Variants in TTC6 observed in about 807,000 individuals in gnomAD.
TTC6 encodes the protein tetratricopeptide repeat protein 6.
A neutral mutation model predicts 210.4 loss-of-function variants in TTC6; 172 were observed. The observed-to-expected ratio is 0.82, with a 90% CI of 0.72 to 0.93. TTC6 has a LOEUF of 0.93. Ranked by LOEUF, TTC6 falls within the 40% of genes least tolerant of loss-of-function variation. TTC6 has a pLI of 0.00. For synonymous variants in TTC6, 804 were observed against 819.6 expected (o/e 0.98, Z 0.32); for missense variants, 2,414 against 2,318.1 (o/e 1.04, Z -0.85).
intron 5 of TTC6, among the ~76,000 whole-genome samples, chr14:37,703,453 A>G (rs1287583515): frequency 2.6e-5 from 4 of 152,156 alleles, no homozygotes; most frequent in African/African-American, 9.6e-5. Flanking sequence ...TTTTCAAAAT[A>G]TATCTGTCTG....
At chr14:37,821,927 C>T (rs558158901) in intron 26 of TTC6, among the ~76,000 whole-genome samples, 4 of 151,824 alleles carry the variant, frequency 2.6e-5, no homozygotes, top group Admixed American at 2.6e-4. Flanking sequence ...ACTACAGGGG[C>T]CTGCCACCAC....
rs927770928 is a variant in TTC6, at chr14:37,673,258, C to T, written c.940-6893C>T. ...GTAAGGAGGATTCCACAGGCCAGTG[C>T]CATCAGGGTTTTGCCTGCAGGAAGC... On this transcript the variant is annotated intron_variant, in intron 1 of 30. Transcript: ENST00000553443. Among the ~76,000 whole-genome samples, 6 of 152,148 alleles carry T rather than the reference C, an allele frequency of 3.9e-5. No individual in the cohort carries two copies. In the East Asian group the frequency reaches 7.8e-4, roughly 20 times the overall value.
chr14:37,659,796 C>T (rs763173389), intron 1 of TTC6, among the ~76,000 whole-genome samples: 6 of 152,160 alleles, frequency 3.9e-5, no homozygotes, highest in Non-Finnish European at 7.3e-5. Context: ...GTTGGGATTA[C>T]GGATGTGACC....
At chr14:37,783,202 G>T (rs755744783) in intron 14 of TTC6, among the ~76,000 whole-genome samples, 1 of 152,058 alleles carries the variant, frequency 6.6e-6, no homozygotes, top group Non-Finnish European at 1.5e-5. Flanking sequence ...TCAGAAGGAA[G>T]GGTACCAGCT....
At chr14:37,604,425 A>G (rs1225967491) in intron 1 of TTC6, among the ~76,000 whole-genome samples, 2 of 152,104 alleles carry the variant, frequency 1.3e-5, no homozygotes, top group African/African-American at 4.8e-5. Context: ...TCTGAACCAG[A>G]CTGGGGTAGC....
chr14:37,638,131 A>G (rs550972499), intron 1 of TTC6, among the ~76,000 whole-genome samples: 1 of 152,360 alleles, frequency 6.6e-6, no homozygotes, highest in African/African-American at 2.4e-5. Flanking sequence ...AGAAAAGGAA[A>G]TGAAGTATTG....
At chr14:37,622,822 G>T in exon 1 of TTC6, 1 of 1,533,956 alleles carries the variant, frequency 6.5e-7, no homozygotes, top group Admixed American at 2.0e-5. Context: ...GAACAGGAGA[G>T]CTGGCCGCCC....
intron 6 of TTC6, 108 bp downstream of exon 8, chr14:37,714,904 G>A (rs2095850034): frequency 1.9e-6 from 2 of 1,067,654 alleles, no homozygotes; most frequent in Non-Finnish European, 2.6e-6. Context: ...CTGGCCAGGT[G>A]TGGTAGCTCA....
chr14:37,627,668 G>A (rs1449090145), intron 1 of TTC6, among the ~76,000 whole-genome samples: 1 of 152,180 alleles, frequency 6.6e-6, no homozygotes, highest in Non-Finnish European at 1.5e-5. Flanking sequence ...ATTCAATGGT[G>A]TATATGTGCC....
At chr14:37,787,281 A>G (rs556068290) in intron 14 of TTC6, among the ~76,000 whole-genome samples, 187 bp from the exon 17 acceptor site, 1 of 152,362 alleles carries the variant, frequency 6.6e-6, no homozygotes, top group African/African-American at 2.4e-5. Context: ...TGTATACAAT[A>G]AAGTGTACTT....
chr14:37,755,791 C>T (rs1233984019), intron 14 of TTC6, among the ~76,000 whole-genome samples: 2 of 152,146 alleles, frequency 1.3e-5, no homozygotes, highest in Non-Finnish European at 2.9e-5. Flanking sequence ...TAGTGTGATG[C>T]TTCCAGCTTT....
intron 1 of TTC6, among the ~76,000 whole-genome samples, chr14:37,657,073 G>A (rs984320887): frequency 7.9e-5 from 12 of 151,808 alleles, no homozygotes; most frequent in Admixed American, 2.0e-4. Flanking sequence ...TTAGCCAGGC[G>A]TAGTGGCGCA....
intron 4 of TTC6, among the ~76,000 whole-genome samples, chr14:37,698,120 A>C (rs1479668754): frequency 6.6e-6 from 1 of 152,146 alleles, no homozygotes; most frequent in Non-Finnish European, 1.5e-5. Flanking sequence ...CAGAGGAATA[A>C]AAGTCTGATT....
chr14:37,750,845 G>A (rs1157439065), intron 12 of TTC6, among the ~76,000 whole-genome samples: 1 of 152,086 alleles, frequency 6.6e-6, no homozygotes, highest in Non-Finnish European at 1.5e-5. Context: ...AGCCATGATT[G>A]TGCCACTGCA....
exon 9 of TTC6, chr14:37,737,712 G>C (rs2095905535): frequency 2.6e-6 from 4 of 1,522,200 alleles, no homozygotes; most frequent in Non-Finnish European, 3.5e-6. Context: ...AAATGGTTTA[G>C]TGCACAACCT....
intron 1 of TTC6, among the ~76,000 whole-genome samples, chr14:37,671,250 G>A (rs1244493500): frequency 3.3e-5 from 5 of 152,140 alleles, no homozygotes; most frequent in Admixed American, 1.3e-4. Flanking sequence ...TTATCACATG[G>A]CAGATGGCTT....
intron 6 of TTC6, among the ~76,000 whole-genome samples, chr14:37,716,716 A>G (rs2095853348): frequency 6.6e-6 from 1 of 152,142 alleles, no homozygotes; most frequent in South Asian, 2.1e-4. Flanking sequence ...AGAAATAGAC[A>G]ATTCCACAAT....
At chr14:37,722,083 A>G (rs187693415) in intron 6 of TTC6, among the ~76,000 whole-genome samples, 1 of 151,972 alleles carries the variant, frequency 6.6e-6, no homozygotes, top group East Asian at 1.9e-4. Flanking sequence ...ACTAATTTGC[A>G]TGTCTCTTTC....
chr14:37,771,570 A>G (rs1344419989), intron 14 of TTC6, among the ~76,000 whole-genome samples: 1 of 151,906 alleles, frequency 6.6e-6, no homozygotes, highest in Non-Finnish European at 1.5e-5. Context: ...TCCATTGCTG[A>G]TACCCTTTCT....
Sources: gnomAD v4.1 joint callset for allele counts (sites outside exome capture counted in the v4.1 genomes callset) on GRCh38, gnomAD v4.1.1 for gene constraint, MANE v1.5 for transcripts, NCBI Gene and HGNC (gene_info 2026-07-23, HGNC 2026-07-21) for gene names.